Variants in PGM2L1 observed in about 807,000 individuals in gnomAD.
The protein encoded by PGM2L1 is glucose 1,6-bisphosphate synthase.
Under a neutral mutation model 73.4 loss-of-function variants are expected in PGM2L1, and 35 were observed. The observed-to-expected ratio is 0.48, with a 90% confidence interval of 0.36 to 0.63. The LOEUF (loss-of-function observed/expected upper bound fraction) is 0.63, where lower values mean the gene tolerates loss of function less well. Among genes scored for constraint, PGM2L1 ranks in the 30% least tolerant of loss-of-function variants. The pLI, the probability that PGM2L1 is intolerant of heterozygous loss-of-function variation, is 0.00. For missense variants in PGM2L1, 570 were observed against 742.0 expected (o/e 0.77, Z 2.69); for synonymous variants, 225 against 253.8 (o/e 0.89, Z 1.08).
chr11:74,385,733 A>G (rs563767818), intron 1 of PGM2L1, among the ~76,000 whole-genome samples: 6 of 152,286 alleles, frequency 3.9e-5, no homozygotes, highest in African/African-American at 1.4e-4. Context: ...TACCAACAGG[A>G]GAACCCTGCC....
intron 1 of PGM2L1, among the ~76,000 whole-genome samples, chr11:74,388,852 G>C (rs1863051539): frequency 6.6e-6 from 1 of 152,116 alleles, no homozygotes; most frequent in East Asian, 1.9e-4. Flanking sequence ...CCCGATACTA[G>C]AGGGCAGCAG....
chr11:74,343,607 A>G lies in PGM2L1; in HGVS notation c.1219-191T>C, dbSNP rs573295165. Among the ~76,000 whole-genome samples, 5 of 152,266 alleles carry G rather than the reference A, an allele frequency of 3.3e-5. No homozygotes were observed. The East Asian group carries it at 9.7e-4, about 29-fold the overall frequency. ...AATACACACACTGCTACTACTAATG[A>G]CCTACTATTTACAGATTATAGTACT... is the stretch of plus-strand genomic sequence containing the variant. On this transcript the variant is annotated intron_variant, in intron 9 of 13. Transcript: ENST00000298198.
chr11:74,340,193 G>GTTGC (rs1862162417), intron 12 of PGM2L1, among the ~76,000 whole-genome samples: 1 of 152,162 alleles, frequency 6.6e-6, no homozygotes, highest in Non-Finnish European at 1.5e-5. Flanking sequence ...CAACCTTGGG[G>GTTGC]ATAACAACAT....
intron 1 of PGM2L1, among the ~76,000 whole-genome samples, chr11:74,386,280 C>T (rs1863016623): frequency 6.6e-6 from 1 of 151,780 alleles, no homozygotes; most frequent in Non-Finnish European, 1.5e-5. Context: ...AATATACAAC[C>T]TCACTTATAA....
chr11:74,366,410 A>T (rs1862659367), intron 5 of PGM2L1, among the ~76,000 whole-genome samples: 2 of 151,142 alleles, frequency 1.3e-5, no homozygotes, highest in East Asian at 3.9e-4. Flanking sequence ...GGCTACAGTG[A>T]TCATACCACT....
intron 5 of PGM2L1, among the ~76,000 whole-genome samples, chr11:74,352,018 TA>T (rs1862365855): frequency 1.3e-5 from 2 of 150,642 alleles, no homozygotes; most frequent in South Asian, 2.1e-4. Context: ...ATTGATCAAA[TA>T]AAAAATGTCA....
intron 5 of PGM2L1, among the ~76,000 whole-genome samples, chr11:74,360,142 AT>A (rs1214530031): frequency 6.6e-6 from 1 of 152,118 alleles, no homozygotes; most frequent in Non-Finnish European, 1.5e-5. Flanking sequence ...AGGCAGGAGG[AT>A]TGCTTGAACC....
chr11:74,340,737 T>C (rs1267101352), intron 12 of PGM2L1, among the ~76,000 whole-genome samples: 1 of 152,122 alleles, frequency 6.6e-6, no homozygotes, highest in Admixed American at 6.5e-5. Context: ...AACACAATGA[T>C]GACATAAAAC....
Position 74,355,423 on chromosome 11 carries a change from G to A in PGM2L1, c.556-3847C>T, listed in dbSNP as rs576094797. 6.0e-5 allele frequency: 30 copies of A among 498,840 alleles called. 1 individual carries two copies. The East Asian group carries it at 6.4e-4, about 11-fold the overall frequency. The allele number at this position is 498,840 out of a possible 1,614,324, so 30.9% of individuals were successfully genotyped here. A position where few individuals can be genotyped will look rare whatever the true frequency, so the allele number is the denominator to read the frequency against. On this transcript the variant is annotated intron_variant, in intron 5 of 13. Transcript: ENST00000298198. ...CAAAAAATTAGCCGGGCGTGGTAGCGGTCGCCTGTAGTCCCAGCTACTCGG... is the reference window on the plus strand; with the variant it reads ...CAAAAAATTAGCCGGGCGTGGTAGCAGTCGCCTGTAGTCCCAGCTACTCGG...
At chr11:74,348,281 C>T (rs1862299535) in intron 6 of PGM2L1, among the ~76,000 whole-genome samples, 1 of 152,048 alleles carries the variant, frequency 6.6e-6, no homozygotes, top group South Asian at 2.1e-4. Context: ...TACATCCTAA[C>T]CTACCATTTA....
At chr11:74,393,895 G>A (rs1173552003) in intron 1 of PGM2L1, among the ~76,000 whole-genome samples, 1 of 151,930 alleles carries the variant, frequency 6.6e-6, no homozygotes, top group Non-Finnish European at 1.5e-5. Flanking sequence ...AATGGATAAA[G>A]AACAGGACAT....
intron 5 of PGM2L1, among the ~76,000 whole-genome samples, chr11:74,358,223 G>A (rs998557436): frequency 5.9e-5 from 9 of 152,154 alleles, no homozygotes; most frequent in African/African-American, 1.9e-4. Context: ...TCTAATGGGG[G>A]ATGTTGTTAA....
intron 5 of PGM2L1, among the ~76,000 whole-genome samples, chr11:74,365,885 T>C (rs1392290268): frequency 6.6e-6 from 1 of 152,182 alleles, no homozygotes. Context: ...GGATTATAAA[T>C]CATGCTGCTA....
Position 74,335,604 on chromosome 11 carries a change from A to G in PGM2L1, c.*1048T>C, listed in dbSNP as rs530229095. On this transcript the variant is annotated 3_prime_UTR_variant, in exon 14 of 14. Coordinates refer to ENST00000298198, the MANE Select transcript of PGM2L1 (RefSeq NM_173582.6). ...ATGTTTTATTCTTAGTAAAATTAAC[A>G]TTACTTCATAAAATAAAAGAATAAA... The G allele has an allele frequency of 6.6e-6, 1 of 152,312 alleles. No homozygotes were observed. The highest frequency in any genetic ancestry group is 1.5e-5 in the Non-Finnish European group (1 of 68,012). The allele number at this position is 152,312 out of a possible 1,614,324, so 9.4% of individuals were successfully genotyped here.
chr11:74,368,420 T>C (rs988850523), intron 5 of PGM2L1, 72 bp downstream of exon 5: 12 of 1,338,450 alleles, frequency 9.0e-6, no homozygotes, highest in Admixed American at 3.5e-5. Context: ...ATAGAAAACA[T>C]ACTCAACACA....
chr11:74,360,790 G>A (rs1862550314), intron 5 of PGM2L1, among the ~76,000 whole-genome samples: 1 of 152,214 alleles, frequency 6.6e-6, no homozygotes, highest in South Asian at 2.1e-4. Context: ...TGCCCACAGA[G>A]CCTCGCTCAT....
At chr11:74,368,659 A>G (rs1171724080) in intron 4 of PGM2L1, 84 bp from the exon 5 acceptor site, 1 of 1,116,340 alleles carries the variant, frequency 9.0e-7, no homozygotes, top group African/African-American at 1.5e-5. Flanking sequence ...ATTAAATAAC[A>G]GGAAAAGCAT....
chr11:74,398,244 G>A lies in PGM2L1; in HGVS notation c.-83C>T. 1 of 1,498,070 alleles carries A rather than the reference G, an allele frequency of 6.7e-7. No individual in the cohort carries two copies. Among genetic ancestry groups the A allele is most frequent in the South Asian group, 1.3e-5 (1 of 75,802 alleles). The allele number at this position is 1,498,070 out of a possible 1,614,324, so 92.8% of individuals were successfully genotyped here. A position where few individuals can be genotyped will look rare whatever the true frequency, so the allele number is the denominator to read the frequency against. ...GGTGGCTTGGGGTTCGCTCACCAGG[G>A]TCCAGGCGTCCCCACCTCACTGAAG... On this transcript the variant is annotated 5_prime_UTR_variant, in exon 1 of 14. Coordinates refer to ENST00000298198, the MANE Select transcript of PGM2L1 (RefSeq NM_173582.6).
intron 1 of PGM2L1, among the ~76,000 whole-genome samples, chr11:74,387,307 C>T (rs1863031296): frequency 6.6e-6 from 1 of 151,848 alleles, no homozygotes; most frequent in Admixed American, 6.6e-5. Context: ...TTCTTGGATT[C>T]AAATAGTCCC....
Sources: allele counts gnomAD v4.1 joint callset (sites outside exome capture counted in the v4.1 genomes callset), GRCh38; gene constraint gnomAD v4.1.1; transcripts MANE v1.5; gene names NCBI Gene and HGNC (gene_info 2026-07-23, HGNC 2026-07-21).